Variants in DNAH6 observed in about 807,000 individuals in gnomAD.
DNAH6 encodes the protein axonemal beta dynein heavy chain 6.
In DNAH6, 340 loss-of-function variants were observed where a neutral mutation model predicts 491.4. That is an observed-to-expected ratio of 0.69 (90% CI 0.63 to 0.76). The LOEUF (loss-of-function observed/expected upper bound fraction) is 0.76. Ranked by LOEUF, DNAH6 falls within the 30% of genes least tolerant of loss-of-function variation. The pLI is 0.00. For synonymous variants in DNAH6, 1,603 were observed against 1,686.1 expected (o/e 0.95, Z 1.21); for missense variants, 4,443 against 4,972.2 (o/e 0.89, Z 3.20).
intron 33 of DNAH6, 50 bp from the exon 34 acceptor site, chr2:84,653,269 A>G (rs1434922235): frequency 7.4e-7 from 1 of 1,355,520 alleles, no homozygotes; most frequent in African/African-American, 1.5e-5. Context: ...AAATACGGGA[A>G]AATATCAATG....
intron 49 of DNAH6, 99 bp from the exon 50 acceptor site, chr2:84,703,296 G>T (rs909354688): frequency 5.9e-6 from 5 of 846,918 alleles, no homozygotes; most frequent in Non-Finnish European, 8.6e-6. Flanking sequence ...TAACAATTCT[G>T]TAGACGTAAA....
At chr2:84,781,369 A>G (rs770820476) in intron 64 of DNAH6, 124 bp from the exon 65 acceptor site, 17 of 836,018 alleles carry the variant, frequency 2.0e-5, no homozygotes, top group Non-Finnish European at 2.9e-5. Context: ...TTGTACTCCT[A>G]TTGGAATGAG....
chr2:84,484,285 C>A, the DNAH6 span, among the ~76,000 whole-genome samples: 1 of 152,158 alleles, frequency 6.6e-6, no homozygotes, highest in African/African-American at 2.4e-5. Context: ...ATCTTCTCTC[C>A]ACATTTCAGA....
rs555967880 is a variant in DNAH6, at chr2:84,714,805, G to A, written c.9544-755G>A. On this transcript the variant is annotated intron_variant, in intron 57 of 76. Transcript: ENST00000389394. Reference sequence around the variant, plus strand: ...ATTATCCCATTTCCAGGAACCTCACGTCAATCATCTCTAAAAAGAGATCAA... The same window carrying A: ...ATTATCCCATTTCCAGGAACCTCACATCAATCATCTCTAAAAAGAGATCAA... 8.1e-4 allele frequency among the ~76,000 whole-genome samples: 122 copies of A among 151,376 alleles called. 1 individual carries two copies. Among genetic ancestry groups the A allele is most frequent in the Non-Finnish European group, 1.5e-3 (100 of 67,824 alleles).
chr2:84,787,282 A>G lies in DNAH6; in HGVS notation c.11219A>G (p.Asp3740Gly). The G allele has an allele frequency of 7.7e-6, 12 of 1,549,052 alleles. No homozygotes were observed. Among genetic ancestry groups the G allele is most frequent in the Non-Finnish European group, 1.0e-5 (12 of 1,145,752 alleles). ...TGTAAAGAAGGAAAGATTCCCTGGG[A>G]TGCACTAATTTACATTACTGGTGAG... ...LYCKEGKIPWDALIYITGEIT... is the reference protein window; with the variant it reads ...LYCKEGKIPWGALIYITGEIT... Residue 3740 changes from aspartate to glycine, a missense_variant, in exon 68 of 77, where the codon GAT (aspartate) becomes GGT (glycine). By Grantham distance (94) the Asp-to-Gly change is moderately conservative (BLOSUM62 -1). Coordinates refer to ENST00000389394, the MANE Select transcript of DNAH6 (RefSeq NM_001370.2).
At chr2:84,604,934 A>G (rs558944306) in intron 19 of DNAH6, among the ~76,000 whole-genome samples, 2 of 152,342 alleles carry the variant, frequency 1.3e-5, no homozygotes, top group Admixed American at 1.3e-4. Flanking sequence ...AAAAATATAT[A>G]CACACCTACT....
At chr2:84,777,708 G>A in intron 64 of DNAH6, 4 of 821,890 alleles carry the variant, frequency 4.9e-6, no homozygotes, top group South Asian at 4.0e-5. Flanking sequence ...CTTAATGGGT[G>A]AACTCCCAGC....
chr2:84,690,815 A>G (rs1694778477), intron 45 of DNAH6, among the ~76,000 whole-genome samples: 1 of 152,270 alleles, frequency 6.6e-6, no homozygotes, highest in Non-Finnish European at 1.5e-5. Context: ...GGTCTTTGTT[A>G]TGAAAGTGAG....
intron 11 of DNAH6, among the ~76,000 whole-genome samples, chr2:84,566,843 A>G (rs1246743377): frequency 6.6e-6 from 1 of 152,120 alleles, no homozygotes; most frequent in African/African-American, 2.4e-5. Flanking sequence ...ACATGTAGAA[A>G]TGTATAAAAT....
At chr2:84,790,345 C>T (rs1677619156) in intron 68 of DNAH6, among the ~76,000 whole-genome samples, 1 of 152,130 alleles carries the variant, frequency 6.6e-6, no homozygotes. Context: ...TGGGGTTAGT[C>T]ACTGACTTCC....
At chr2:84,797,071 G>T (rs1001139051) in intron 69 of DNAH6, among the ~76,000 whole-genome samples, 1 of 152,048 alleles carries the variant, frequency 6.6e-6, no homozygotes, top group South Asian at 2.1e-4. Context: ...GGATTCAACT[G>T]TATATCCTGC....
At chr2:84,466,357 C>T in the DNAH6 span, among the ~76,000 whole-genome samples, 3 of 152,168 alleles carry the variant, frequency 2.0e-5, no homozygotes, top group African/African-American at 7.2e-5. Flanking sequence ...AAAACAGATT[C>T]TTATTGCACT....
intron 63 of DNAH6, among the ~76,000 whole-genome samples, chr2:84,758,643 G>A (rs1674281567): frequency 6.6e-6 from 1 of 152,096 alleles, no homozygotes; most frequent in Non-Finnish European, 1.5e-5. Context: ...TTTAACGTAT[G>A]CAAATCAATA....
chr2:84,640,222 T>C (rs1164016530), intron 31 of DNAH6, among the ~76,000 whole-genome samples: 1 of 152,218 alleles, frequency 6.6e-6, no homozygotes, highest in Non-Finnish European at 1.5e-5. Flanking sequence ...ACAGAATCAG[T>C]GCCTAGGTAT....
Position 84,718,187 on chromosome 2 carries a change from C to G in DNAH6, c.9612-17C>G. 5.4e-6 allele frequency: 8 copies of G among 1,494,440 alleles called. No individual in the cohort carries two copies. Among genetic ancestry groups the G allele is most frequent in the Non-Finnish European group, 6.2e-6 (7 of 1,122,954 alleles). The allele number at this position is 1,494,440 out of a possible 1,614,324, so 92.6% of individuals were successfully genotyped here. A position where few individuals can be genotyped will look rare whatever the true frequency, so the allele number is the denominator to read the frequency against. Reference sequence around the variant, plus strand: ...ACTGGCAGAGACATAATTTAGATATCTGAACTTTGGTTTTAGTGATGTGGT... The same window carrying G: ...ACTGGCAGAGACATAATTTAGATATGTGAACTTTGGTTTTAGTGATGTGGT... On this transcript the variant is annotated splice_polypyrimidine_tract_variant and intron_variant, in intron 58 of 76. Coordinates refer to ENST00000389394, the MANE Select transcript of DNAH6 (RefSeq NM_001370.2).
chr2:84,461,110 G>A, the DNAH6 span, among the ~76,000 whole-genome samples: 2 of 152,220 alleles, frequency 1.3e-5, no homozygotes, highest in Non-Finnish European at 1.5e-5. Context: ...CTAAACCCAT[G>A]TAGATTAAGT....
intron 15 of DNAH6, among the ~76,000 whole-genome samples, chr2:84,588,215 C>T (rs1353919513): frequency 1.3e-5 from 2 of 152,212 alleles, no homozygotes; most frequent in Non-Finnish European, 2.9e-5. Flanking sequence ...AATGCATGGC[C>T]ATGCTGACTA....
At chr2:84,553,443 TTCTC>T (rs1176608066) in intron 10 of DNAH6, among the ~76,000 whole-genome samples, 2 of 147,980 alleles carry the variant, frequency 1.4e-5, no homozygotes, top group Admixed American at 6.8e-5. Flanking sequence ...CTTTTTCTCT[TTCTC>T]TCTCTCTTTC....
chr2:84,642,008 G>C lies in DNAH6; in HGVS notation c.5032G>C (p.Asp1678His), dbSNP rs1443086872. ...EDVVLIRALQ[D>H]SNLPKFLTDD... The stretch of plus-strand genomic sequence containing the variant: ...TGTGGTGTTGATAAGAGCTTTACAA[G>C]ACTCCAATTTGCCAAAATTTCTAAC... The change falls in exon 33 of 77, where the codon GAC becomes CAC. Residue 1678 changes from aspartate to histidine, a missense_variant. Physicochemically the swap from Asp to His is moderately conservative, Grantham distance 81. Transcript: ENST00000389394. 6.4e-7 allele frequency: 1 copy of C among 1,550,890 alleles called. No homozygotes were observed. The highest frequency in any genetic ancestry group is 2.4e-5 in the East Asian group (1 of 40,900).
Sources: allele counts gnomAD v4.1 joint callset (sites outside exome capture counted in the v4.1 genomes callset), GRCh38; gene constraint gnomAD v4.1.1; transcripts MANE v1.5; gene names NCBI Gene and HGNC (gene_info 2026-07-23, HGNC 2026-07-21).